The following CDH20 variants were observed in gnomAD, a reference collection of about 807,000 sequenced individuals.
CDH20 encodes the protein cadherin-20.
In CDH20, 29 loss-of-function variants were observed where a neutral mutation model predicts 74.2. The ratio of observed to expected loss-of-function variants is 0.39; its 90% CI spans 0.29 to 0.53. CDH20 has a LOEUF of 0.53. Ranked by LOEUF, CDH20 falls within the 20% of genes least tolerant of loss-of-function variation. The probability of loss-of-function intolerance (pLI) is 0.69; values close to 1 mark genes in which losing one functional copy is unlikely to be tolerated. For missense variants in CDH20, 988 were observed against 1,048.3 expected, an observed-to-expected ratio of 0.94 and a Z score of 0.79; for synonymous variants, 469 against 405.4, an observed-to-expected ratio of 1.16 and a Z score of -1.88.
At chr18:61,461,582 C>T (rs759164512) in intron 1 of CDH20, among the ~76,000 whole-genome samples, 1 of 152,142 alleles carries the variant, frequency 6.6e-6, no homozygotes, top group Non-Finnish European at 1.5e-5. Context: ...GGACATCAGT[C>T]ATATTGTTAC....
intron 1 of CDH20, among the ~76,000 whole-genome samples, chr18:61,484,414 T>C (rs1217847249): frequency 1.3e-5 from 2 of 152,138 alleles, no homozygotes; most frequent in South Asian, 2.1e-4. Flanking sequence ...ATTTACTAGA[T>C]ACTAAGTATG....
rs547858011 is a variant in CDH20, at chr18:61,414,237, G to T, written c.-152-76165G>T. 2.6e-5 allele frequency among the ~76,000 whole-genome samples: 4 copies of T among 152,226 alleles called. No individual in the cohort carries two copies. In the East Asian group the frequency reaches 7.7e-4, roughly 29 times the overall value. On this transcript the variant is annotated intron_variant, in intron 1 of 11. Coordinates refer to ENST00000262717, the MANE Select transcript of CDH20 (RefSeq NM_031891.4). ...AAGTAAGGAACAGATGCAAAGTGTGGACTCTAAGGGGTCTTGGATACTGAA... is the reference window on the plus strand; with the variant it reads ...AAGTAAGGAACAGATGCAAAGTGTGTACTCTAAGGGGTCTTGGATACTGAA...
At chr18:61,526,153 A>C (rs1262767107) in intron 6 of CDH20, among the ~76,000 whole-genome samples, 3 of 120,212 alleles carry the variant, frequency 2.5e-5, no homozygotes, top group Non-Finnish European at 5.0e-5. Context: ...TTTGAGACAG[A>C]GTTTCACTCT....
At chr18:61,415,289 A>C (rs1276198955) in intron 1 of CDH20, among the ~76,000 whole-genome samples, 1 of 152,174 alleles carries the variant, frequency 6.6e-6, no homozygotes, top group Non-Finnish European at 1.5e-5. Flanking sequence ...TCATTTTACA[A>C]ATAATTTATG....
At chr18:61,513,767 T>A (rs1462045907) in intron 6 of CDH20, among the ~76,000 whole-genome samples, 1 of 152,176 alleles carries the variant, frequency 6.6e-6, no homozygotes, top group African/African-American at 2.4e-5. Context: ...GAAGCTTAGT[T>A]TGGCTGGATA....
intron 1 of CDH20, among the ~76,000 whole-genome samples, chr18:61,404,106 T>C (rs1226699281): frequency 1.3e-5 from 2 of 152,180 alleles, no homozygotes; most frequent in Non-Finnish European, 2.9e-5. Flanking sequence ...TCAGGATAAA[T>C]AGCCAATGTA....
chr18:61,357,938 G>A (rs1910547271), intron 1 of CDH20, among the ~76,000 whole-genome samples: 1 of 151,944 alleles, frequency 6.6e-6, no homozygotes, highest in South Asian at 2.1e-4. Context: ...TCTAGCAGTT[G>A]CTGTTCCCTC....
Position 61,554,415 on chromosome 18 carries a change from C to G in CDH20, c.2126C>G (p.Ser709Cys). 6.2e-7 allele frequency: 1 copy of G among 1,613,050 alleles called. No homozygotes were observed. The highest frequency in any genetic ancestry group is 8.5e-7 in the Non-Finnish European group (1 of 1,179,758). The change falls in exon 12 of 12, where the codon TCC (serine) becomes TGC (cysteine). Residue 709 changes from serine to cysteine, a missense_variant. By Grantham distance (112) the Ser-to-Cys change is moderately radical. Around this residue, in one of 2 missense-constraint regions of CDH20, gnomAD observed 375 missense variants for 293.1 expected, o/e 1.28. Coordinates refer to ENST00000262717, the MANE Select transcript of CDH20 (RefSeq NM_031891.4). ...ATGCTGCCCGAGATCGAGAGCCTCT[C>G]CCGCTACGTGCCTCAGACGTGCGCA... is the stretch of plus-strand genomic sequence containing the variant. ...QDMLPEIESL[S>C]RYVPQTCAVN...
chr18:61,499,095 GAGGTTATA>G, intron 2 of CDH20, 83 bp from the exon 3 acceptor site: 1 of 967,194 alleles, frequency 1.0e-6, no homozygotes, highest in Non-Finnish European at 1.5e-6. Flanking sequence ...TATGTAAAGG[GAGGTTATA>G]AGTTTGTAAC....
intron 2 of CDH20, among the ~76,000 whole-genome samples, chr18:61,495,280 TG>T (rs753071978): frequency 1.3e-5 from 2 of 152,244 alleles, no homozygotes; most frequent in Non-Finnish European, 2.9e-5. Context: ...TGTTAATGTC[TG>T]TTCTTTGCCA....
At chr18:61,443,565 C>A (rs534573145) in intron 1 of CDH20, among the ~76,000 whole-genome samples, 1 of 152,116 alleles carries the variant, frequency 6.6e-6, no homozygotes, top group Non-Finnish European at 1.5e-5. Flanking sequence ...GCCCTCGGAC[C>A]AGCACCTGTC....
rs184473647 is a variant in CDH20 at position 61,520,729 on chromosome 18, C to T, written c.1018-7238C>T. 2.8e-4 allele frequency among the ~76,000 whole-genome samples: 42 copies of T among 151,360 alleles called. No homozygotes were observed. In the East Asian group the frequency reaches 7.3e-3, roughly 26 times the overall value. Reference sequence around the variant, plus strand: ...AAATGCAAAATAATGGAAATCATAACAAACAGTATCTCAGACCACAATGCA... The same window carrying T: ...AAATGCAAAATAATGGAAATCATAATAAACAGTATCTCAGACCACAATGCA... On this transcript the variant is annotated intron_variant, in intron 6 of 11. Coordinates refer to ENST00000262717, the MANE Select transcript of CDH20 (RefSeq NM_031891.4).
chr18:61,484,319 G>A (rs1477862131), intron 1 of CDH20, among the ~76,000 whole-genome samples: 3 of 152,174 alleles, frequency 2.0e-5, no homozygotes, highest in East Asian at 1.9e-4. Flanking sequence ...AGACTGGGCT[G>A]TAGTTTCATT....
intron 1 of CDH20, among the ~76,000 whole-genome samples, chr18:61,456,060 A>C (rs2144348261): frequency 6.6e-6 from 1 of 152,292 alleles, no homozygotes; most frequent in African/African-American, 2.4e-5. Flanking sequence ...AACTCTCATA[A>C]CCCTATCATT....
chr18:61,334,803 G>T (rs1226888629), intron 1 of CDH20, among the ~76,000 whole-genome samples: 4 of 152,246 alleles, frequency 2.6e-5, no homozygotes, highest in Non-Finnish European at 4.4e-5. Context: ...TGGTCGCCTG[G>T]TAGATTCAGA....
intron 1 of CDH20, among the ~76,000 whole-genome samples, chr18:61,391,920 T>C (rs1057190310): frequency 1.3e-5 from 2 of 152,138 alleles, no homozygotes; most frequent in Non-Finnish European, 2.9e-5. Flanking sequence ...CTCCATCTCC[T>C]TCATTACTCT....
At chr18:61,517,228 C>G (rs1912031504) in intron 6 of CDH20, among the ~76,000 whole-genome samples, 1 of 152,100 alleles carries the variant, frequency 6.6e-6, no homozygotes, top group Non-Finnish European at 1.5e-5. Context: ...GAATCCCAAC[C>G]TACCAAAGAA....
chr18:61,352,659 C>T (rs1238985771), intron 1 of CDH20, among the ~76,000 whole-genome samples: 8 of 152,168 alleles, frequency 5.3e-5, no homozygotes, highest in Admixed American at 5.2e-4. Context: ...ACCTTAGTTG[C>T]TGGACCACAT....
At chr18:61,336,305 G>A (rs1032302299) in intron 1 of CDH20, among the ~76,000 whole-genome samples, 2 of 152,224 alleles carry the variant, frequency 1.3e-5, no homozygotes, top group African/African-American at 2.4e-5. Flanking sequence ...TTGGGTAAAA[G>A]CACTGCCTCC....
Sources: allele counts gnomAD v4.1 joint callset (sites outside exome capture counted in the v4.1 genomes callset), GRCh38; gene constraint gnomAD v4.1.1; regional missense constraint gnomAD v4.1.1; transcripts MANE v1.5; gene names NCBI Gene and HGNC (gene_info 2026-07-23, HGNC 2026-07-21).